The following ZNF532 variants were observed in gnomAD, a reference collection of about 807,000 sequenced individuals.
ZNF532 encodes the protein zinc finger protein 532.
Under a neutral mutation model 89.3 loss-of-function variants are expected in ZNF532, and 22 were observed. The observed-to-expected ratio is 0.25, with a 90% CI of 0.18 to 0.35. The LOEUF (loss-of-function observed/expected upper bound fraction) is 0.35, where lower values mean the gene tolerates loss of function less well. Among genes scored for constraint, ZNF532 ranks in the 10% least tolerant of loss-of-function variants. ZNF532 has a pLI of 1.00. For synonymous variants in ZNF532, 606 were observed against 649.6 expected, an observed-to-expected ratio of 0.93 and a Z score of 1.02; for missense variants, 1,132 against 1,643.4, an observed-to-expected ratio of 0.69 and a Z score of 5.38.
intron 2 of ZNF532, among the ~76,000 whole-genome samples, chr18:58,911,479 A>G (rs1356407288): frequency 6.6e-6 from 1 of 152,220 alleles, no homozygotes; most frequent in Non-Finnish European, 1.5e-5. Context: ...CTTTAATCCC[A>G]GCACTTGGGA....
intron 5 of ZNF532, among the ~76,000 whole-genome samples, chr18:58,942,345 C>CCCTCCCTTCCTT (rs1216506124): frequency 6.7e-5 from 5 of 74,652 alleles, no homozygotes; most frequent in African/African-American, 3.1e-4. Flanking sequence ...CTCCCTCCCT[C>CCCTCCCTTCCTT]CCTCCCTTCC....
chr18:58,983,491 T>A (rs2068072230), intron 9 of ZNF532, among the ~76,000 whole-genome samples: 1 of 152,102 alleles, frequency 6.6e-6, no homozygotes, highest in Non-Finnish European at 1.5e-5. Flanking sequence ...CACTCACAGC[T>A]TCCTATGCCT....
At chr18:58,863,465 T>G (rs2056134052), upstream of ZNF532, 9 of 2,942 alleles carry the variant, frequency 3.1e-3, no homozygotes, top group East Asian at 6.2e-3. Context: ...CCCCTCCCCC[T>G]CGCCCGCGCT....
chr18:58,905,856 A>G lies in ZNF532; in HGVS notation c.-17-12415A>G, dbSNP rs546010064. On this transcript the variant is annotated intron_variant, in intron 2 of 9. Transcript: ENST00000591808. ...TTTAGTCTTCAGACTTTACTTGGCC[A>G]TGACCATTTCTCAGACTTCCCTTGT... Among the ~76,000 whole-genome samples, 5 of 152,306 alleles carry G rather than the reference A, an allele frequency of 3.3e-5. No homozygotes were observed. The East Asian group carries it at 7.7e-4, about 23-fold the overall frequency.
intron 2 of ZNF532, among the ~76,000 whole-genome samples, chr18:58,913,882 G>A (rs963543624): frequency 3.3e-5 from 5 of 152,194 alleles, no homozygotes; most frequent in Non-Finnish European, 7.3e-5. Flanking sequence ...GGGAACCAGC[G>A]TTTTCACAGG....
intron 2 of ZNF532, among the ~76,000 whole-genome samples, chr18:58,888,411 C>CA (rs2058453069): frequency 6.6e-6 from 1 of 151,808 alleles, no homozygotes; most frequent in East Asian, 1.9e-4. Flanking sequence ...TGCAGTGGCT[C>CA]ACGCCTGTAA....
intron 4 of ZNF532, among the ~76,000 whole-genome samples, chr18:58,938,048 T>G (rs538456419): frequency 6.6e-6 from 1 of 152,326 alleles, no homozygotes; most frequent in Non-Finnish European, 1.5e-5. Context: ...TTAAATAGAA[T>G]GCATACAATC....
chr18:58,873,222 A>C (rs747807219), intron 2 of ZNF532, among the ~76,000 whole-genome samples: 1 of 151,902 alleles, frequency 6.6e-6, no homozygotes, highest in Non-Finnish European at 1.5e-5. Flanking sequence ...GGATCTCTCT[A>C]TGTTGCCCAG....
At chr18:58,953,132 T>C (rs2064388297) in intron 6 of ZNF532, 1 of 166,656 alleles carries the variant, frequency 6.0e-6, no homozygotes, top group South Asian at 1.6e-4. Context: ...TATTAGCCTA[T>C]TTAAACATTT....
At chr18:58,913,698 TAA>T (rs2060423549) in intron 2 of ZNF532, among the ~76,000 whole-genome samples, 1 of 152,076 alleles carries the variant, frequency 6.6e-6, no homozygotes, top group African/African-American at 2.4e-5. Context: ...TGCTAGAAAA[TAA>T]GACTGGGAAT....
chr18:58,892,090 C>T (rs145039313), intron 2 of ZNF532, among the ~76,000 whole-genome samples: 6 of 152,164 alleles, frequency 3.9e-5, no homozygotes, highest in East Asian at 1.9e-4. Context: ...ATGATTTAAG[C>T]GCATGAGTAA....
chr18:58,900,938 A>T (rs1472359820), intron 2 of ZNF532, among the ~76,000 whole-genome samples: 5 of 149,798 alleles, frequency 3.3e-5, no homozygotes, highest in South Asian at 2.1e-4. Context: ...TATTTAAATT[A>T]AAAAAAAAAT....
At chr18:58,866,376 G>C (rs554789847) in intron 2 of ZNF532, among the ~76,000 whole-genome samples, 1 of 152,294 alleles carries the variant, frequency 6.6e-6, no homozygotes, top group Admixed American at 6.5e-5. Flanking sequence ...GCAAAGTGAA[G>C]AACAAAGGCT....
rs553403628 is a variant in ZNF532, at chr18:58,923,381, A to G, written c.2346+2748A>G. Among the ~76,000 whole-genome samples, 5 of 151,626 alleles carry G rather than the reference A, an allele frequency of 3.3e-5. No individual in the cohort carries two copies. The South Asian group carries it at 1.0e-3, about 32-fold the overall frequency. On this transcript the variant is annotated intron_variant, in intron 3 of 9. Coordinates refer to ENST00000591808, the MANE Select transcript of ZNF532 (RefSeq NM_001375912.1). ...TTCCCAGACTCAGCCAGACTGTGTC[A>G]CTCAGACCCAAGAGGGGAGTGTGGC...
At chr18:58,924,788 C>T (rs1436343600) in intron 3 of ZNF532, among the ~76,000 whole-genome samples, 1 of 152,178 alleles carries the variant, frequency 6.6e-6, no homozygotes, top group African/African-American at 2.4e-5. Context: ...CCCACAGCCT[C>T]TCCTCACTCC....
intron 2 of ZNF532, among the ~76,000 whole-genome samples, chr18:58,914,562 C>A (rs1393312227): frequency 1.3e-5 from 2 of 152,184 alleles, no homozygotes; most frequent in Non-Finnish European, 2.9e-5. Flanking sequence ...TGCCTGTAAT[C>A]CCGGCTACTC....
rs60019659 is a variant in ZNF532, at chr18:58,982,001, C to CAAA, written c.3411+402_3411+404dup. ...CCCAGGCGACAGTGCGAGACTCTCC[C>CAAA]AAAAAAAAAAAAAAAAAAAATCAGA... On this transcript the variant is annotated intron_variant, in intron 9 of 9. Coordinates refer to ENST00000591808, the MANE Select transcript of ZNF532 (RefSeq NM_001375912.1). Among the ~76,000 whole-genome samples the CAAA allele has an allele frequency of 8.5e-3, 707 of 83,220 alleles. 8 individuals are homozygous for CAAA. The highest frequency in any genetic ancestry group is 0.017 in the East Asian group (56 of 3,328). The allele number at this position is 83,220 out of a possible 152,430, so 54.6% of individuals were successfully genotyped here. A position where few individuals can be genotyped will look rare whatever the true frequency, so the allele number is the denominator to read the frequency against.
chr18:58,914,726 G>A (rs2060488727), intron 2 of ZNF532, among the ~76,000 whole-genome samples: 1 of 152,120 alleles, frequency 6.6e-6, no homozygotes, highest in Admixed American at 6.5e-5. Flanking sequence ...GCCTTTGAAG[G>A]GAGATGTATT....
intron 3 of ZNF532, among the ~76,000 whole-genome samples, chr18:58,934,041 G>T (rs11878031): frequency 0.071 from 10,801 of 152,182 alleles, 678 homozygotes; most frequent in African/African-American, 0.17. Context: ...AGCTTTTTAT[G>T]AATTGTGAGG....
Sources: gnomAD v4.1 joint callset for allele counts (sites outside exome capture counted in the v4.1 genomes callset) on GRCh38, gnomAD v4.1.1 for gene constraint, MANE v1.5 for transcripts, NCBI Gene and HGNC (gene_info 2026-07-23, HGNC 2026-07-21) for gene names.